SCN11A: variants seen among roughly 807,000 people sequenced by gnomAD.
SCN11A encodes the protein sodium voltage-gated channel alpha subunit 11.
In SCN11A, 122 loss-of-function variants were observed where a neutral mutation model predicts 162.2. The ratio of observed to expected loss-of-function variants is 0.75; its 90% CI spans 0.65 to 0.87. The LOEUF (loss-of-function observed/expected upper bound fraction) is 0.87. Among genes scored for constraint, SCN11A ranks in the 40% least tolerant of loss-of-function variants. SCN11A has a pLI of 0.00. For synonymous variants in SCN11A, 758 were observed against 751.5 expected (o/e 1.01, Z -0.14); for missense variants, 2,015 against 2,181.6 (o/e 0.92, Z 1.52).
intron 1 of SCN11A, among the ~76,000 whole-genome samples, chr3:39,047,064 A>AC (rs1286616235): frequency 3.8e-5 from 1 of 26,402 alleles, no homozygotes; most frequent in Non-Finnish European, 8.8e-5. Flanking sequence ...CCCCACCCCC[A>AC]CCCCCTTTTT....
At chr3:39,049,702 G>C (rs753972989) in intron 1 of SCN11A, among the ~76,000 whole-genome samples, 3 of 152,220 alleles carry the variant, frequency 2.0e-5, no homozygotes, top group Non-Finnish European at 2.9e-5. Flanking sequence ...CAGTGAGGCT[G>C]AGTTTCATCA....
At chr3:38,988,574 C>A (rs2030343343) in intron 2 of SCN11A, among the ~76,000 whole-genome samples, 1 of 151,756 alleles carries the variant, frequency 6.6e-6, no homozygotes, top group South Asian at 2.1e-4. Flanking sequence ...GCCATCGCCT[C>A]ATTTATTCGT....
At chr3:38,958,842 C>T (rs186307451) in intron 3 of SCN11A, among the ~76,000 whole-genome samples, 67 of 152,236 alleles carry the variant, frequency 4.4e-4, no homozygotes, top group African/African-American at 1.6e-3. Flanking sequence ...TCATTTAACC[C>T]TCAAAACAAT....
intron 2 of SCN11A, among the ~76,000 whole-genome samples, chr3:38,984,439 G>A (rs1325918024): frequency 1.3e-5 from 2 of 152,130 alleles, no homozygotes; most frequent in South Asian, 2.1e-4. Flanking sequence ...AGGACAAGGG[G>A]GTAGATGGTA....
At chr3:38,924,189 C>T (rs73068560) in intron 9 of SCN11A, among the ~76,000 whole-genome samples, 20,851 of 151,892 alleles carry the variant, frequency 0.14, 1,670 homozygotes, top group East Asian at 0.24. Flanking sequence ...CAGAGTGAAG[C>T]GCATATCCTC....
intron 7 of SCN11A, among the ~76,000 whole-genome samples, chr3:38,936,356 G>A (rs1402209991): frequency 3.4e-5 from 5 of 147,230 alleles, no homozygotes; most frequent in South Asian, 4.3e-4. Context: ...CATAGTGTTG[G>A]AAGTTCTGGC....
chr3:38,892,529 TCA>T (rs2065517164), intron 19 of SCN11A, among the ~76,000 whole-genome samples: 1 of 152,142 alleles, frequency 6.6e-6, no homozygotes, highest in Admixed American at 6.6e-5. Context: ...TGCAGGTAAC[TCA>T]CAGTCACAGG....
intron 1 of SCN11A, among the ~76,000 whole-genome samples, chr3:39,042,268 C>T (rs1270788534): frequency 2.0e-5 from 3 of 151,830 alleles, no homozygotes; most frequent in African/African-American, 7.3e-5. Flanking sequence ...GACTCCATCT[C>T]CAAAAAAACC....
chr3:38,945,576 G>T, intron 6 of SCN11A, 64 bp from the exon 7 acceptor site: 1 of 1,137,134 alleles, frequency 8.8e-7, no homozygotes, highest in Non-Finnish European at 1.2e-6. Flanking sequence ...TACTGGGTAA[G>T]ACTGGGGGTG....
At chr3:38,907,321 TGTGTGTGTG>T (rs2065809459) in intron 14 of SCN11A, among the ~76,000 whole-genome samples, 1 of 11,764 alleles carries the variant, frequency 8.5e-5, no homozygotes, top group Non-Finnish European at 3.3e-4. Context: ...TGTGTGTGTG[TGTGTGTGTG>T]TGTGTGTGTG....
At chr3:39,002,901 C>T (rs1366952816) in intron 2 of SCN11A, among the ~76,000 whole-genome samples, 2 of 151,950 alleles carry the variant, frequency 1.3e-5, no homozygotes, top group African/African-American at 2.4e-5. Flanking sequence ...CTAAATCAGC[C>T]AACAAGATCA....
rs146942592 is a variant in SCN11A at position 38,925,415 on chromosome 3, G to T, written c.712C>A (p.Arg238Ser). The T allele has an allele frequency of 2.5e-6, 4 of 1,599,414 alleles. No homozygotes were observed. In the Admixed American group the frequency reaches 6.7e-5, roughly 27 times the overall value. ...RALKAISVVSRLKVIVGALLR... is the reference protein window; with the variant it reads ...RALKAISVVSSLKVIVGALLR... ...AGTGTGGAAAGTGAGAGTGACTTAC[G>T]TGAAACTACTGAAATTGCTTTCAAA... Residue 238 changes from arginine to serine, a missense_variant and splice_region_variant, in exon 9 of 30, where the codon CGT (arginine) becomes AGT (serine). Coordinates refer to ENST00000302328, the MANE Select transcript of SCN11A (RefSeq NM_001349253.2).
At chr3:38,854,126 C>T (rs1342079305) in intron 28 of SCN11A, among the ~76,000 whole-genome samples, 4 of 151,734 alleles carry the variant, frequency 2.6e-5, no homozygotes, top group East Asian at 1.9e-4. Context: ...TAAAGTTTTG[C>T]GACATATGAT....
chr3:38,896,402 G>T (rs2065598090), intron 18 of SCN11A, among the ~76,000 whole-genome samples: 1 of 152,184 alleles, frequency 6.6e-6, no homozygotes, highest in South Asian at 2.1e-4. Flanking sequence ...CTAAGCTCAT[G>T]ATCTGGCTTT....
intron 3 of SCN11A, among the ~76,000 whole-genome samples, chr3:38,956,832 C>T (rs1484550026): frequency 6.6e-6 from 1 of 152,058 alleles, no homozygotes; most frequent in Non-Finnish European, 1.5e-5. Flanking sequence ...ATTAAAGATA[C>T]CAATTTTCTC....
At chr3:38,948,722 C>A (rs2066555695) in intron 5 of SCN11A, among the ~76,000 whole-genome samples, 1 of 152,172 alleles carries the variant, frequency 6.6e-6, no homozygotes, top group Admixed American at 6.5e-5. Context: ...AGTGAGGACC[C>A]AGGCTGAGAA....
At chr3:38,967,256 T>A (rs2066788773) in intron 2 of SCN11A, among the ~76,000 whole-genome samples, 1 of 152,226 alleles carries the variant, frequency 6.6e-6, no homozygotes, top group Admixed American at 6.5e-5. Flanking sequence ...GGCTGACGTG[T>A]GTAAACAATA....
chr3:38,853,168 C>T (rs917167609), intron 28 of SCN11A, among the ~76,000 whole-genome samples: 2 of 152,174 alleles, frequency 1.3e-5, no homozygotes, highest in Admixed American at 6.5e-5. Context: ...GGGCTGTGTG[C>T]TGTGTTGCTT....
chr3:39,040,829 A>G (rs2032033550), intron 1 of SCN11A, among the ~76,000 whole-genome samples: 1 of 152,212 alleles, frequency 6.6e-6, no homozygotes, highest in African/African-American at 2.4e-5. Flanking sequence ...CTGTAATCCC[A>G]GCACTTTGGG....
Sources: allele counts gnomAD v4.1 joint callset (sites outside exome capture counted in the v4.1 genomes callset), GRCh38; gene constraint gnomAD v4.1.1; transcripts MANE v1.5; gene names NCBI Gene and HGNC (gene_info 2026-07-23, HGNC 2026-07-21).